Variants in ACBD6 observed in about 807,000 individuals in gnomAD.
The protein encoded by ACBD6 is acyl-CoA-binding domain-containing protein 6.
In ACBD6, 28 loss-of-function variants were observed where a neutral mutation model predicts 37.2. That is an observed-to-expected ratio of 0.75 (90% CI 0.56 to 1.03). The LOEUF is 1.03. Ranked by LOEUF, ACBD6 falls within the 50% of genes least tolerant of loss-of-function variation. ACBD6 has a pLI of 0.00. For synonymous variants in ACBD6, 113 were observed against 126.8 expected (o/e 0.89, Z 0.73); for missense variants, 340 against 337.4 (o/e 1.01, Z -0.06).
chr1:180,343,270 AG>A (rs140827557), intron 6 of ACBD6, among the ~76,000 whole-genome samples: 20,254 of 141,214 alleles, frequency 0.14, 1,790 homozygotes, highest in South Asian at 0.26. Context: ...TTATAAAAAA[AG>A]AGTTTATTCC....
chr1:180,492,452 A>G, intron 2 of ACBD6, 87 bp from the exon 3 acceptor site: 1 of 984,280 alleles, frequency 1.0e-6, no homozygotes, highest in South Asian at 1.3e-5. Context: ...CTGTATGCAC[A>G]TTTCAAGGGT....
At chr1:180,387,768 C>T (rs753801612) in intron 6 of ACBD6, among the ~76,000 whole-genome samples, 6 of 152,204 alleles carry the variant, frequency 3.9e-5, no homozygotes, top group Non-Finnish European at 7.3e-5. Context: ...TTTTAGATTG[C>T]CCCTTTTCCT....
chr1:180,359,131 A>C (rs542217447), intron 6 of ACBD6, among the ~76,000 whole-genome samples: 13 of 152,268 alleles, frequency 8.5e-5, no homozygotes, highest in African/African-American at 3.1e-4. Context: ...CATTCATTTA[A>C]CCCACGGCAA....
At chr1:180,274,098 T>G in exon 11 of ACBD6, 1 of 1,540,296 alleles carries the variant, frequency 6.5e-7, no homozygotes, top group Non-Finnish European at 9.0e-7. Context: ...GCATCTTTCC[T>G]GGTCATGTGT....
At chr1:180,437,266 A>C (rs955454534) in intron 3 of ACBD6, among the ~76,000 whole-genome samples, 6 of 152,182 alleles carry the variant, frequency 3.9e-5, no homozygotes, top group African/African-American at 1.4e-4. Context: ...CCACAACTTG[A>C]AGCCAGTTGG....
At chr1:180,489,147 C>G (rs1271707570) in intron 3 of ACBD6, among the ~76,000 whole-genome samples, 1 of 151,710 alleles carries the variant, frequency 6.6e-6, no homozygotes, top group Non-Finnish European at 1.5e-5. Context: ...GCCTGGGTGA[C>G]AGAGAGAGAC....
chr1:180,331,264 T>C (rs1651470645), intron 6 of ACBD6, among the ~76,000 whole-genome samples: 1 of 152,158 alleles, frequency 6.6e-6, no homozygotes, highest in African/African-American at 2.4e-5. Context: ...CAGTCCAAAT[T>C]AATTTACCAA....
chr1:180,502,284 G>A lies in ACBD6; in HGVS notation c.-18C>T. On this transcript the variant is annotated 5_prime_UTR_variant, in exon 1 of 8. In the 5' UTR this introduces an upstream ATG that the reference lacks. Coordinates refer to ENST00000367595, the MANE Select transcript of ACBD6 (RefSeq NM_032360.4). ...GAAGCCATGTCTCCTTGCTCGCTCC[G>A]TCCCTCTGTGTCCGGTCTGTCCTCC... 6.2e-7 allele frequency: 1 copy of A among 1,611,116 alleles called. No homozygotes were observed.
At chr1:180,433,573 GCT>G (rs1491433424) in intron 3 of ACBD6, among the ~76,000 whole-genome samples, 4 of 61,694 alleles carry the variant, frequency 6.5e-5, no homozygotes, top group African/African-American at 2.5e-4. Flanking sequence ...GTGGTGTTAT[GCT>G]GTGTGTGTGT....
rs1021112428 is a variant in ACBD6, at chr1:180,296,468, C to T, written c.695-7951G>A. 3.3e-5 allele frequency among the ~76,000 whole-genome samples: 5 copies of T among 152,196 alleles called. No individual in the cohort carries two copies. The East Asian group carries it at 5.8e-4, about 18-fold the overall frequency. On this transcript the variant is annotated intron_variant, in intron 7 of 7. Coordinates refer to ENST00000367595, the MANE Select transcript of ACBD6 (RefSeq NM_032360.4). Reference sequence around the variant, plus strand: ...TCTATTAGACAGAGTTTCACTCTGTCGCCCAGGTTGGAGTGCAGTGTTGCG... The same window carrying T: ...TCTATTAGACAGAGTTTCACTCTGTTGCCCAGGTTGGAGTGCAGTGTTGCG...
chr1:180,331,200 A>T (rs1651468346), intron 6 of ACBD6, among the ~76,000 whole-genome samples: 1 of 152,234 alleles, frequency 6.6e-6, no homozygotes, highest in Admixed American at 6.5e-5. Context: ...AACTCAGGAC[A>T]TTCCAAAGTA....
downstream of ACBD6, chr1:180,288,091 G>T: frequency 2.5e-6 from 1 of 399,814 alleles, no homozygotes. Context: ...CTCCTCTTCT[G>T]CCCACCCTCT....
chr1:180,443,133 A>G (rs1649347232), intron 3 of ACBD6, among the ~76,000 whole-genome samples: 1 of 152,114 alleles, frequency 6.6e-6, no homozygotes, highest in Non-Finnish European at 1.5e-5. Flanking sequence ...GCATGCATTA[A>G]GTTACTTGGA....
chr1:180,284,625 C>T (rs1649416892), downstream of ACBD6, among the ~76,000 whole-genome samples: 1 of 151,966 alleles, frequency 6.6e-6, no homozygotes, highest in African/African-American at 2.4e-5. Context: ...CCGCCTCAGC[C>T]TCCCAAAGTG....
Position 180,424,008 on chromosome 1 carries a change from A to G in ACBD6, c.467+6172T>C, listed in dbSNP as rs922159778. Among the ~76,000 whole-genome samples, 17 of 152,294 alleles carry G rather than the reference A, an allele frequency of 1.1e-4. No homozygotes were observed. In the East Asian group the frequency reaches 3.3e-3, roughly 29 times the overall value. ...TTTACCAGGAAAGTACATTTTTTTA[A>G]AACATTAAATGGAAAAGAAATTTTA... is the stretch of plus-strand genomic sequence containing the variant. On this transcript the variant is annotated intron_variant, in intron 4 of 7. Transcript: ENST00000367595.
intron 7 of ACBD6, among the ~76,000 whole-genome samples, chr1:180,292,677 G>A (rs1649760426): frequency 6.6e-6 from 1 of 151,672 alleles, no homozygotes; most frequent in African/African-American, 2.4e-5. Context: ...TACGAGAAAA[G>A]GAAGTTTTAT....
At chr1:180,483,059 T>C (rs1052525266) in intron 3 of ACBD6, among the ~76,000 whole-genome samples, 3 of 152,180 alleles carry the variant, frequency 2.0e-5, no homozygotes, top group East Asian at 1.9e-4. Flanking sequence ...ACAATCCTTA[T>C]TACAGCAGGC....
At chr1:180,361,127 T>A (rs1652833697) in intron 6 of ACBD6, among the ~76,000 whole-genome samples, 1 of 152,178 alleles carries the variant, frequency 6.6e-6, no homozygotes, top group African/African-American at 2.4e-5. Context: ...AAGAGAAACC[T>A]TTTAAATGTC....
At chr1:180,341,853 C>T (rs1032783220) in intron 6 of ACBD6, among the ~76,000 whole-genome samples, 4 of 152,000 alleles carry the variant, frequency 2.6e-5, no homozygotes, top group African/African-American at 2.4e-5. Context: ...ACCATCTACA[C>T]GCTTACAAAC....
Sources: gnomAD v4.1 joint callset for allele counts (sites outside exome capture counted in the v4.1 genomes callset) on GRCh38, gnomAD v4.1.1 for gene constraint, MANE v1.5 for transcripts, NCBI Gene and HGNC (gene_info 2026-07-23, HGNC 2026-07-21) for gene names.